The following RRP9 variants were observed in gnomAD, a reference collection of about 807,000 sequenced individuals.
RRP9 encodes the protein ribosomal RNA processing 9, U3 small nucleolar RNA binding protein, also known as U3 small nucleolar RNA-interacting protein 2.
In RRP9, 35 loss-of-function variants were observed where a neutral mutation model predicts 65.5. The observed-to-expected ratio is 0.53, with a 90% CI of 0.41 to 0.71. The LOEUF (loss-of-function observed/expected upper bound fraction) is 0.71, where lower values mean the gene tolerates loss of function less well. Among genes scored for constraint, RRP9 ranks in the 30% least tolerant of loss-of-function variants. RRP9 has a pLI of 0.00. For missense variants in RRP9, 533 were observed against 633.6 expected (o/e 0.84, Z 1.70); for synonymous variants, 254 against 245.0 (o/e 1.04, Z -0.34).
At position 51,938,641 on chromosome 3, in the gene RRP9, C is replaced by T. The variant is rs143929936; in HGVS notation, c.171-437G>A. Among the ~76,000 whole-genome samples the T allele has an allele frequency of 8.8e-4, 134 of 152,306 alleles. 1 individual carries two copies. Among genetic ancestry groups the T allele is most frequent in the African/African-American group, 3.1e-3 (128 of 41,564 alleles). On this transcript the variant is annotated intron_variant, in intron 2 of 14. Transcript: ENST00000232888. Reference sequence around the variant, plus strand: ...ATGCCATGCCCAGTCAAACAATCAACGACGACACTGCCAGGTGTGCAAGGT... The same window carrying T: ...ATGCCATGCCCAGTCAAACAATCAATGACGACACTGCCAGGTGTGCAAGGT...
At chr3:51,935,308 A>AT (rs1698583458) in intron 10 of RRP9, 34 bp downstream of exon 10, 3 of 1,613,844 alleles carry the variant, frequency 1.9e-6, no homozygotes. Flanking sequence ...CCCCCAGCCC[A>AT]TGTAGCCCCC....
intron 6 of RRP9, 37 bp from the exon 7 acceptor site, chr3:51,936,592 G>A (rs1292739568): frequency 1.2e-6 from 2 of 1,602,972 alleles, no homozygotes; most frequent in Non-Finnish European, 1.7e-6. Context: ...ACTGGGATGG[G>A]GGGATAGGGC....
chr3:51,938,973 C>T (rs999398881), intron 2 of RRP9, among the ~76,000 whole-genome samples: 6 of 152,174 alleles, frequency 3.9e-5, no homozygotes, highest in African/African-American at 1.2e-4. Context: ...GCTTTCCCCT[C>T]CATGCCCCAG....
At position 51,938,551 on chromosome 3, in the gene RRP9, A is replaced by C. The variant is rs534743405; in HGVS notation, c.171-347T>G. On this transcript the variant is annotated intron_variant, in intron 2 of 14. Transcript: ENST00000232888. ...AATGTGCAGGCATCTCAACAGCAAT[A>C]CTGAGAACAAGAAGACAAAGAAGCC... 8.9e-4 allele frequency among the ~76,000 whole-genome samples: 136 copies of C among 152,324 alleles called. 1 individual carries two copies. Among genetic ancestry groups the C allele is most frequent in the Non-Finnish European group, 1.8e-3 (121 of 68,020 alleles).
intron 8 of RRP9, 39 bp from the exon 9 acceptor site, chr3:51,935,731 T>C: frequency 6.5e-7 from 1 of 1,538,846 alleles, no homozygotes; most frequent in Non-Finnish European, 9.0e-7. Context: ...GGACCTGGAC[T>C]ACAGCAGGCG....
rs770873553 is a variant in RRP9 at position 51,941,840 on chromosome 3, G to A, written c.28C>T (p.Arg10Trp). 2.5e-6 allele frequency: 4 copies of A among 1,583,076 alleles called. No individual in the cohort carries two copies. Among genetic ancestry groups the A allele is most frequent in the Admixed American group, 1.7e-5 (1 of 59,056 alleles). The change falls in exon 1 of 15, where the codon CGG becomes TGG. Residue 10 changes from arginine to tryptophan, a missense_variant. Around this residue, in one of 3 missense-constraint regions of RRP9, gnomAD observed 77 missense variants for 60.5 expected, o/e 1.27. Coordinates refer to ENST00000232888, the MANE Select transcript of RRP9 (RefSeq NM_004704.5). MSATAAARK[R>W]GKPASGAGAG... ...CCGGCCCCAGAGGCCGGCTTTCCCC[G>A]CTTACGAGCAGCCGCTGTTGCCGAC...
In RRP9 at chr3:51,937,487, T is replaced by C. The variant is rs552508111; in HGVS notation, c.390+58A>G. The C allele has an allele frequency of 2.5e-6, 4 of 1,611,836 alleles. No individual in the cohort carries two copies. The South Asian group carries it at 4.4e-5, about 18-fold the overall frequency. On this transcript the variant is annotated intron_variant, in intron 5 of 14. Coordinates refer to ENST00000232888, the MANE Select transcript of RRP9 (RefSeq NM_004704.5). The surrounding 1 kb of genome is among the most constrained non-coding windows in gnomAD (Gnocchi z 5.0). ...CAGATAGGCCCAAGTGTCCACCATG[T>C]TCCAAGTGGGGCCCCCAATTCCCTC...
In RRP9 at chr3:51,937,123, T is replaced by A. The variant is rs984751070; in HGVS notation, c.517+69A>T. On this transcript the variant is annotated intron_variant, in intron 6 of 14. Transcript: ENST00000232888. The surrounding 1 kb of genome is among the most constrained non-coding windows in gnomAD (Gnocchi z 5.0). ...TCAGGGCTCAGCCTGCCATGACCAC[T>A]CCCACTCCCCTGACCAGCCCTCCCG... The A allele has an allele frequency of 1.9e-6, 3 of 1,586,172 alleles. No individual in the cohort carries two copies. Among genetic ancestry groups the A allele is most frequent in the Admixed American group, 1.7e-5 (1 of 59,176 alleles).
In RRP9 at chr3:51,936,291, A is replaced by G; in HGVS notation, c.701T>C (p.Leu234Ser). The G allele has an allele frequency of 6.2e-7, 1 of 1,614,136 alleles. No individual in the cohort carries two copies. The highest frequency in any genetic ancestry group is 8.5e-7 in the Non-Finnish European group (1 of 1,180,018). The change falls in exon 8 of 15, where the codon TTG (leucine) becomes TCG (serine). Residue 234 changes from leucine (L) to serine (S), a missense_variant. By Grantham distance (145) the Leu-to-Ser change is moderately radical (BLOSUM62 -2). Around this residue, in one of 3 missense-constraint regions of RRP9, gnomAD observed 449 missense variants for 550.6 expected, o/e 0.82. Coordinates refer to ENST00000232888, the MANE Select transcript of RRP9 (RefSeq NM_004704.5). ...ATCCCGGTGTCCTGTGAAGGTGTAC[A>G]AGTGCTGGCAGCTCTGGGCCTCCCA... ...LIWEAQSCQH[L>S]YTFTGHRDAV...
In RRP9 at chr3:51,937,536, C is replaced by T; in HGVS notation, c.390+9G>A. 6.2e-7 allele frequency: 1 copy of T among 1,614,194 alleles called. No individual in the cohort carries two copies. The highest frequency in any genetic ancestry group is 1.1e-5 in the South Asian group (1 of 91,084). ...TCCAACCTTATACCAAAATACCATG[C>T]CCACTCACCTCTTTTGCCACCAACT... On this transcript the variant is annotated intron_variant, in intron 5 of 14. Transcript: ENST00000232888. This position sits in a 1 kb window ranked among gnomAD's most constrained non-coding sequence, Gnocchi z 5.0.
chr3:51,933,796 A>C lies in RRP9; in HGVS notation c.1261-15T>G. 2 of 1,613,656 alleles carry C rather than the reference A, an allele frequency of 1.2e-6. No individual in the cohort carries two copies. Among genetic ancestry groups the C allele is most frequent in the Non-Finnish European group, 1.7e-6 (2 of 1,179,596 alleles). On this transcript the variant is annotated splice_polypyrimidine_tract_variant and intron_variant, in intron 13 of 14. Transcript: ENST00000232888. ...ATAAAACCCACCTGAGCAGAAAGAC[A>C]ACACGGAAAGACATTAGAACGCCCC...
In RRP9 at chr3:51,935,428, C is replaced by T; in HGVS notation, c.885G>A (p.Glu295=). The T allele has an allele frequency of 6.2e-7, 1 of 1,614,240 alleles. No homozygotes were observed. ...AVAALDALSR[E]CCVTAGGRDG... is the part of the protein sequence containing the mutation. ...CCCGGCCCCCAGCCGTCACACAGCA[C>T]TCCCGGCTCAAGGCATCCAGTGCAG... Residue 295 remains glutamate (E), a synonymous_variant, in exon 10 of 15, where the codon GAG becomes GAA. Transcript: ENST00000232888.
Position 51,935,703 on chromosome 3 carries a change from A to G in RRP9, c.736-11T>C. On this transcript the variant is annotated splice_polypyrimidine_tract_variant and intron_variant, in intron 8 of 14. Coordinates refer to ENST00000232888, the MANE Select transcript of RRP9 (RefSeq NM_004704.5). Reference sequence around the variant, plus strand: ...GCGGAATGCCAGACCCTAAGGGTGCATGGGGAGAGGGCAAAGGGGACCTGG... The same window carrying G: ...GCGGAATGCCAGACCCTAAGGGTGCGTGGGGAGAGGGCAAAGGGGACCTGG... The G allele has an allele frequency of 6.2e-7, 1 of 1,610,104 alleles. No homozygotes were observed. The highest frequency in any genetic ancestry group is 8.5e-7 in the Non-Finnish European group (1 of 1,176,340).
Position 51,934,413 on chromosome 3 carries a change from C to T in RRP9, c.1260+59G>A, listed in dbSNP as rs323887. The T allele has an allele frequency of 0.029, 44,470 of 1,529,978 alleles. 4,085 individuals are homozygous for T. In the African/African-American group the frequency reaches 0.31, roughly 11 times the overall value. The allele number at this position is 1,529,978 out of a possible 1,614,324, so 94.8% of individuals were successfully genotyped here. A position where few individuals can be genotyped will look rare whatever the true frequency, so the allele number is the denominator to read the frequency against. On this transcript the variant is annotated intron_variant, in intron 13 of 14. Transcript: ENST00000232888. The surrounding 1 kb of genome is among the most constrained non-coding windows in gnomAD (Gnocchi z 4.1). ...AGGAAGAAAGACCTTAAAGAGCTAACTCCAGGGGCCTAGGCAGTGTGGCAG... is the reference window on the plus strand; with the variant it reads ...AGGAAGAAAGACCTTAAAGAGCTAATTCCAGGGGCCTAGGCAGTGTGGCAG...
At chr3:51,935,113 G>T (rs1172692126) in intron 11 of RRP9, 84 bp downstream of exon 11, 15 of 1,434,682 alleles carry the variant, frequency 1.0e-5, no homozygotes, top group Non-Finnish European at 1.4e-5. Context: ...CACTGGGGGT[G>T]CCCTGAGGCA....
At position 51,937,643 on chromosome 3, in the gene RRP9, T is replaced by C; in HGVS notation, c.348+26A>G. The C allele has an allele frequency of 6.2e-7, 1 of 1,613,850 alleles. No homozygotes were observed. The highest frequency in any genetic ancestry group is 1.3e-5 in the African/African-American group (1 of 74,930). ...GAGCAGATCAGCTCCACCCCCGTCC[T>C]CCCCCAACTCTCCCTCCACACTTAC... On this transcript the variant is annotated intron_variant, in intron 4 of 14. Transcript: ENST00000232888. The surrounding 1 kb of genome is among the most constrained non-coding windows in gnomAD (Gnocchi z 5.0).
chr3:51,936,451 AGATGG>A lies in RRP9; in HGVS notation c.617_621del (p.Ala206ValfsTer11). 1.2e-6 allele frequency: 2 copies of A among 1,614,146 alleles called. No individual in the cohort carries two copies. Among genetic ancestry groups the A allele is most frequent in the Non-Finnish European group, 1.7e-6 (2 of 1,180,012 alleles). On this transcript the variant is annotated frameshift_variant, in exon 7 of 15. Transcript: ENST00000232888. LOFTEE classifies it high-confidence loss of function. The stretch of plus-strand genomic sequence containing the variant: ...CTTACAAGGTACTTGCCGTCGGAGG[AGATGG>A]CCATGCAGAGGACGTGGCTGCTGTG...
Position 51,933,687 on chromosome 3 carries a change from A to G in RRP9, c.1334+21T>C, listed in dbSNP as rs368557707. The G allele has an allele frequency of 5.6e-6, 9 of 1,613,382 alleles. No individual in the cohort carries two copies. In the African/African-American group the frequency reaches 1.1e-4, roughly 19 times the overall value. ...GTCCAGCCTGCACCACCTTACCTGA[A>G]CCCTCGAGGGCCACACATACCTGTG... On this transcript the variant is annotated intron_variant, in intron 14 of 14. Transcript: ENST00000232888.
Position 51,935,384 on chromosome 3 carries a change from C to G in RRP9, c.929G>C (p.Trp310Ser). 1 of 1,614,172 alleles carries G rather than the reference C, an allele frequency of 6.2e-7. No individual in the cohort carries two copies. Among genetic ancestry groups the G allele is most frequent in the Non-Finnish European group, 8.5e-7 (1 of 1,180,006 alleles). Residue 310 changes from tryptophan (W) to serine (S), a missense_variant, in exon 10 of 15, where the codon TGG (tryptophan) becomes TCG (serine). Trp to Ser is a radical substitution (Grantham distance 177). Coordinates refer to ENST00000232888, the MANE Select transcript of RRP9 (RefSeq NM_004704.5). ...AAGCTGGGACTCCTCGGGGATCTTCCACACACGTACAGTCCCATCCCGGCC... is the reference window on the plus strand; with the variant it reads ...AAGCTGGGACTCCTCGGGGATCTTCGACACACGTACAGTCCCATCCCGGCC... ...AGGRDGTVRV[W>S]KIPEESQLVF...
Sources: allele counts gnomAD v4.1 joint callset (sites outside exome capture counted in the v4.1 genomes callset), GRCh38; gene constraint gnomAD v4.1.1; regional missense constraint gnomAD v4.1.1; non-coding constraint Gnocchi (gnomAD v3.1); transcripts MANE v1.5; gene names NCBI Gene and HGNC (gene_info 2026-07-23, HGNC 2026-07-21).